The following LAMB1 variants were observed in gnomAD, a reference collection of about 807,000 sequenced individuals.
The protein encoded by LAMB1 is laminin subunit beta-1.
Under a neutral mutation model 222.3 loss-of-function variants are expected in LAMB1, and 121 were observed. The ratio of observed to expected loss-of-function variants is 0.54; its 90% CI spans 0.47 to 0.63. The LOEUF (loss-of-function observed/expected upper bound fraction) is 0.63. Ranked by LOEUF, LAMB1 falls within the 30% of genes least tolerant of loss-of-function variation. LAMB1 has a pLI of 0.00. For synonymous variants in LAMB1, 794 were observed against 807.2 expected (o/e 0.98, Z 0.28); for missense variants, 2,172 against 2,240.8 (o/e 0.97, Z 0.62).
chr7:107,951,058 T>G, intron 24 of LAMB1, 168 bp downstream of exon 24: 1 of 595,332 alleles, frequency 1.7e-6, no homozygotes, highest in South Asian at 2.1e-5. Context: ...GGGCTAGATT[T>G]GTTAGATTGT....
intron 18 of LAMB1, 105 bp from the exon 19 acceptor site, chr7:107,959,939 T>G: frequency 7.1e-7 from 1 of 1,412,154 alleles, no homozygotes; most frequent in Non-Finnish European, 9.5e-7. Context: ...GAGTTCTGGT[T>G]TAAAACAGTA....
Position 107,926,315 on chromosome 7 carries a change from C to T in LAMB1, c.4932G>A (p.Ala1644=), listed in dbSNP as rs753616199. 9.3e-6 allele frequency: 15 copies of T among 1,613,780 alleles called. No homozygotes were observed. Among genetic ancestry groups the T allele is most frequent in the African/African-American group, 5.3e-5 (4 of 74,908 alleles). ...TCTCTAACTCGCTGATGCGCTGGGA[C>T]GCGTTGAACAAGGTTTCCTCAGAAG... ...TAASEETLFN[A]SQRISELERN... Residue 1644 remains alanine, a synonymous_variant, in exon 32 of 34, where the codon GCG becomes GCA. Transcript: ENST00000222399.
At chr7:107,956,883 G>A (rs548742919) in intron 20 of LAMB1, among the ~76,000 whole-genome samples, 2 of 152,240 alleles carry the variant, frequency 1.3e-5, no homozygotes, top group South Asian at 2.1e-4. Context: ...AACAAATACA[G>A]GGAGGTCAAA....
At position 107,923,918 on chromosome 7, in the gene LAMB1, T is replaced by G. The variant is rs775157505; in HGVS notation, c.*33A>C. 4 of 1,580,738 alleles carry G rather than the reference T, an allele frequency of 2.5e-6. No homozygotes were observed. Among genetic ancestry groups the G allele is most frequent in the Non-Finnish European group, 3.4e-6 (4 of 1,168,084 alleles). On this transcript the variant is annotated 3_prime_UTR_variant, in exon 34 of 34. Coordinates refer to ENST00000222399, the MANE Select transcript of LAMB1 (RefSeq NM_002291.3). ...GTTTTTAAAATGTAGTTGTTTTACC[T>G]TGTTCACCTCAGCCATTTTTTATTC...
rs11770285 is a variant in LAMB1, at chr7:107,975,566, C to G, written c.1189+123G>C. The G allele has an allele frequency of 0.096, 119,513 of 1,246,716 alleles. 6,102 individuals carry two copies. Among genetic ancestry groups the G allele is most frequent in the Admixed American group, 0.16 (6,500 of 41,670 alleles). The allele number at this position is 1,246,716 out of a possible 1,614,324, so 77.2% of individuals were successfully genotyped here. On this transcript the variant is annotated intron_variant, in intron 10 of 33. Transcript: ENST00000222399. Reference sequence around the variant, plus strand: ...TAAATTCCACTCCCAGCGTCTTCAACTGCAATTACAATAACAATGCTGGCT... The same window carrying G: ...TAAATTCCACTCCCAGCGTCTTCAAGTGCAATTACAATAACAATGCTGGCT...
chr7:107,934,371 T>C (rs990080403), intron 27 of LAMB1, among the ~76,000 whole-genome samples: 4 of 152,188 alleles, frequency 2.6e-5, no homozygotes, highest in Admixed American at 2.0e-4. Context: ...ACTTTCTCTG[T>C]GTCTCTGGGC....
Position 107,977,908 on chromosome 7 carries a change from G to C in LAMB1, c.1000+139C>G. On this transcript the variant is annotated intron_variant, in intron 9 of 33. Transcript: ENST00000222399. The stretch of plus-strand genomic sequence containing the variant: ...CTGAATGCAGATTGTTGGTTGTCTA[G>C]GAGTATCAGGGTGAAGCTGGAAAAA... 4 of 846,818 alleles carry C rather than the reference G, an allele frequency of 4.7e-6. No individual in the cohort carries two copies. The South Asian group carries it at 6.6e-5, about 14-fold the overall frequency. The allele number at this position is 846,818 out of a possible 1,614,324, so 52.5% of individuals were successfully genotyped here.
intron 5 of LAMB1, among the ~76,000 whole-genome samples, chr7:107,993,313 C>T (rs933870691): frequency 1.3e-5 from 2 of 151,710 alleles, no homozygotes; most frequent in African/African-American, 4.8e-5. Context: ...TTTGTATTTT[C>T]AGTAGAGCCG....
At chr7:107,996,860 G>A (rs895316830) in intron 4 of LAMB1, among the ~76,000 whole-genome samples, 1 of 152,200 alleles carries the variant, frequency 6.6e-6, no homozygotes, top group African/African-American at 2.4e-5. Context: ...TTCACTAGAA[G>A]AATGTGGGAG....
intron 13 of LAMB1, among the ~76,000 whole-genome samples, chr7:107,965,981 TC>T (rs1436888472): frequency 1.3e-5 from 2 of 150,860 alleles, no homozygotes; most frequent in African/African-American, 4.9e-5. Flanking sequence ...ACCTGTAATC[TC>T]AGCTACTCGG....
At position 107,956,138 on chromosome 7, in the gene LAMB1, C is replaced by T. The variant is rs982742515; in HGVS notation, c.2691-508G>A. On this transcript the variant is annotated intron_variant, in intron 20 of 33. Transcript: ENST00000222399. ...TCTTGAACTCCTGATCTCAGGTGAT[C>T]CACCCACCTCAGCCTCCCAAAGTGC... Among the ~76,000 whole-genome samples, 50 of 151,960 alleles carry T rather than the reference C, an allele frequency of 3.3e-4. No individual in the cohort carries two copies. The South Asian group carries it at 5.0e-3, about 15-fold the overall frequency.
At chr7:107,950,681 T>C (rs1301951415) in intron 24 of LAMB1, among the ~76,000 whole-genome samples, 4 of 152,184 alleles carry the variant, frequency 2.6e-5, no homozygotes, top group Admixed American at 2.6e-4. Context: ...CCTCCAGTTT[T>C]CACTGGTGGG....
At chr7:107,993,343 A>G (rs1017091992) in intron 5 of LAMB1, among the ~76,000 whole-genome samples, 3 of 152,038 alleles carry the variant, frequency 2.0e-5, no homozygotes, top group Admixed American at 2.0e-4. Flanking sequence ...CGTATTGGCC[A>G]GGCTGGTCTT....
chr7:107,926,134 T>C (rs1249355712), intron 32 of LAMB1, 49 bp downstream of exon 32: 1 of 1,434,576 alleles, frequency 7.0e-7, no homozygotes, highest in Non-Finnish European at 9.8e-7. Flanking sequence ...AGGAGGAGAC[T>C]GGTGGCTCCT....
chr7:107,981,880 G>A (rs79829426), intron 7 of LAMB1, among the ~76,000 whole-genome samples: 223 of 152,244 alleles, frequency 1.5e-3, no homozygotes, highest in Middle Eastern at 3.4e-3. Context: ...TAGTGTTAAC[G>A]CTATAGAATA....
chr7:107,961,290 T>A lies in LAMB1; in HGVS notation c.2025A>T (p.Gly675=). Residue 675 remains glycine, a synonymous_variant, in exon 17 of 34, where the codon GGA becomes GGT. Transcript: ENST00000222399. ...VLPRPVCFEK[G]TNYTVRLELP... ...GCTCCAACCTCACCGTGTAGTTTGT[T>A]CCCTTCTCAAAGCACACCGGCCGAG... The A allele has an allele frequency of 8.7e-6, 14 of 1,613,938 alleles. No individual in the cohort carries two copies. Among genetic ancestry groups the A allele is most frequent in the Non-Finnish European group, 1.2e-5 (14 of 1,179,980 alleles).
intron 31 of LAMB1, 52 bp from the exon 32 acceptor site, chr7:107,926,411 C>T: frequency 6.7e-7 from 1 of 1,488,412 alleles, no homozygotes; most frequent in Admixed American, 1.8e-5. Flanking sequence ...AATGGAATTA[C>T]TATGAGTACA....
At chr7:107,934,482 CAGTT>C (rs1481699368) in intron 27 of LAMB1, among the ~76,000 whole-genome samples, 1 of 152,122 alleles carries the variant, frequency 6.6e-6, no homozygotes, top group Non-Finnish European at 1.5e-5. Context: ...GAAACAGGCT[CAGTT>C]AGGCTTTTTT....
chr7:107,952,009 C>G lies in LAMB1; in HGVS notation c.3294G>C (p.Glu1098Asp). ...AAHSFGPSCN[E>D]FTGQCQCMPG... is the part of the protein sequence containing the mutation. ...ATCATCCCCAGCAGCAGCCCCTCACCTCATTGCAAGATGGCCCGAAGGAAT... is the reference window on the plus strand; with the variant it reads ...ATCATCCCCAGCAGCAGCCCCTCACGTCATTGCAAGATGGCCCGAAGGAAT... The change falls in exon 23 of 34, where the codon GAG (glutamate) becomes GAC (aspartate). Residue 1098 changes from glutamate to aspartate, a missense_variant and splice_region_variant. Transcript: ENST00000222399. 2.5e-6 allele frequency: 4 copies of G among 1,608,476 alleles called. No individual in the cohort carries two copies. The highest frequency in any genetic ancestry group is 3.4e-6 in the Non-Finnish European group (4 of 1,176,390).
Sources: gnomAD v4.1 joint callset for allele counts (sites outside exome capture counted in the v4.1 genomes callset) on GRCh38, gnomAD v4.1.1 for gene constraint, MANE v1.5 for transcripts, NCBI Gene and HGNC (gene_info 2026-07-23, HGNC 2026-07-21) for gene names.